Variants in MID1 observed in about 807,000 individuals in gnomAD.
The protein encoded by MID1 is midline 1.
Under a neutral mutation model 40.4 loss-of-function variants are expected in MID1, and 7 were observed. That is an observed-to-expected ratio of 0.17 (90% CI 0.10 to 0.33). The LOEUF (loss-of-function observed/expected upper bound fraction) is 0.33. Among genes scored for constraint, MID1 ranks in the 10% least tolerant of loss-of-function variants. The pLI, the probability that MID1 is intolerant of heterozygous loss-of-function variation, is 1.00. For synonymous variants in MID1, 229 were observed against 221.2 expected (o/e 1.04, Z -0.31); for missense variants, 367 against 558.5 (o/e 0.66, Z 3.46).
chrX:10,566,528 T>C (rs1460930700), intron 2 of MID1, among the ~76,000 whole-genome samples: 7 of 90,335 alleles, frequency 7.7e-5, no homozygotes, highest in African/African-American at 3.3e-4. Flanking sequence ...TCTCCCTCTC[T>C]CTCCCTCTCT....
chrX:10,578,025 A>G (rs1934918928), intron 1 of MID1, among the ~76,000 whole-genome samples: 1 of 112,455 alleles, frequency 8.9e-6, no homozygotes, highest in Non-Finnish European at 1.9e-5. Flanking sequence ...GGGGAAGCAG[A>G]GGCAAGAACT....
At chrX:10,486,746 C>T (rs1396515337) in intron 4 of MID1, among the ~76,000 whole-genome samples, 3 of 112,519 alleles carry the variant, frequency 2.7e-5, no homozygotes, top group African/African-American at 9.7e-5. Context: ...GCATTCCATA[C>T]ATACAAAAAA....
chrX:10,701,963 T>C (rs892263364), intron 1 of MID1, among the ~76,000 whole-genome samples: 1 of 112,867 alleles, frequency 8.9e-6, no homozygotes, highest in Non-Finnish European at 1.9e-5. Flanking sequence ...ACATAGTTGC[T>C]ATGATTTTTA....
At chrX:10,740,756 T>C (rs1426970821) in intron 1 of MID1, among the ~76,000 whole-genome samples, 1 of 111,330 alleles carries the variant, frequency 9.0e-6, no homozygotes, top group Non-Finnish European at 1.9e-5. Context: ...TTATTATTAT[T>C]ATTGTATCAA....
chrX:10,660,327 C>T (rs956991644), intron 1 of MID1, among the ~76,000 whole-genome samples: 24 of 112,567 alleles, frequency 2.1e-4, no homozygotes, highest in Non-Finnish European at 4.3e-4. Flanking sequence ...GACGATGGAG[C>T]ACATTGTTGT....
At chrX:10,634,773 A>G (rs1602485607) in intron 1 of MID1, among the ~76,000 whole-genome samples, 2 of 112,248 alleles carry the variant, frequency 1.8e-5, no homozygotes, top group East Asian at 5.6e-4. Flanking sequence ...ACTGCAATTG[A>G]ATCAGTGGAT....
At chrX:10,763,251 T>C (rs1322544646) in intron 1 of MID1, among the ~76,000 whole-genome samples, 1 of 109,912 alleles carries the variant, frequency 9.1e-6, no homozygotes, top group Non-Finnish European at 1.9e-5. Context: ...GCCATGTTAG[T>C]GTGCTGCACC....
intron 1 of MID1, among the ~76,000 whole-genome samples, chrX:10,591,012 A>C (rs1488925422): frequency 8.9e-6 from 1 of 111,860 alleles, no homozygotes; most frequent in Non-Finnish European, 1.9e-5. Context: ...CATTGAATCA[A>C]ATTAGACAAG....
chrX:10,796,413 GT>G (rs60292194), intron 1 of MID1, among the ~76,000 whole-genome samples: 58 of 86,700 alleles, frequency 6.7e-4, no homozygotes, highest in South Asian at 3.3e-3. Flanking sequence ...AGAAAATTCA[GT>G]TTTTTTTTTT....
intron 1 of MID1, among the ~76,000 whole-genome samples, chrX:10,795,194 G>A (rs1419490765): frequency 3.6e-5 from 4 of 112,010 alleles, no homozygotes; most frequent in South Asian, 7.4e-4. Flanking sequence ...AATGTCCCTT[G>A]GAAAGAAAAA....
rs1442061664 is a variant in MID1 at position 10,466,868 on chromosome X, A to G, written c.1285+2829T>C. Among the ~76,000 whole-genome samples, 3 of 112,157 alleles carry G rather than the reference A, an allele frequency of 2.7e-5. No individual in the cohort carries two copies. In the East Asian group the frequency reaches 8.3e-4, roughly 31 times the overall value. ...TAAGCTCATACAGCTGGAAAAATGC[A>G]TTTAAAAATCATGTCATCTCTCTGA... On this transcript the variant is annotated intron_variant, in intron 7 of 9. Coordinates refer to ENST00000317552, the MANE Select transcript of MID1 (RefSeq NM_000381.4).
rs772441159 is a variant in MID1 at position 10,523,462 on chromosome X, T to C, written c.661-275A>G. Among the ~76,000 whole-genome samples the C allele has an allele frequency of 2.7e-5, 3 of 112,195 alleles. No homozygotes were observed. The South Asian group carries it at 1.1e-3, about 41-fold the overall frequency. ...AGAATAATTAGTTATAGGTTATCTC[T>C]AGGTCACGACCTAGGAAGAAAGGAG... On this transcript the variant is annotated intron_variant, in intron 2 of 9. Coordinates refer to ENST00000317552, the MANE Select transcript of MID1 (RefSeq NM_000381.4).
intron 1 of MID1, among the ~76,000 whole-genome samples, chrX:10,729,590 T>A (rs7050609): frequency 0.1 from 11,471 of 111,815 alleles, 1,420 homozygotes; most frequent in African/African-American, 0.35. Flanking sequence ...GGAAAAAGGC[T>A]TCTGTGATTA....
intron 1 of MID1, among the ~76,000 whole-genome samples, chrX:10,825,699 C>T (rs760475497): frequency 1.8e-5 from 2 of 111,244 alleles, no homozygotes; most frequent in African/African-American, 3.3e-5. Flanking sequence ...AGAAAGAATT[C>T]GCCAGACAAC....
intron 1 of MID1, among the ~76,000 whole-genome samples, chrX:10,690,005 G>A (rs752534499): frequency 9.5e-5 from 9 of 94,770 alleles, no homozygotes; most frequent in Non-Finnish European, 1.6e-4. Context: ...AATTTGGAGT[G>A]CTTGTTAACT....
chrX:10,799,674 G>T (rs1003414672), intron 1 of MID1, among the ~76,000 whole-genome samples: 1 of 106,650 alleles, frequency 9.4e-6, no homozygotes, highest in Admixed American at 9.7e-5. Context: ...CTAACAGGCT[G>T]ATCTCAATGT....
At chrX:10,813,894 G>C (rs1411563759) in intron 1 of MID1, among the ~76,000 whole-genome samples, 1 of 111,498 alleles carries the variant, frequency 9.0e-6, no homozygotes, top group East Asian at 2.8e-4. Flanking sequence ...AAAGTGTCAG[G>C]TAGTCAATGT....
intron 1 of MID1, among the ~76,000 whole-genome samples, chrX:10,667,864 T>C (rs998050196): frequency 3.0e-4 from 34 of 112,059 alleles, no homozygotes; most frequent in African/African-American, 9.4e-4. Context: ...TGCATTCAAA[T>C]GGAATTAAAA....
chrX:10,566,532 CCTCTCTCTCTCTCTCTCTCTCTCT>C (rs773613255), intron 2 of MID1, among the ~76,000 whole-genome samples: 1 of 52,877 alleles, frequency 1.9e-5, no homozygotes, highest in African/African-American at 6.0e-5. Context: ...CCTCTCTCTC[CCTCTCTCTCTCTCTCTCTCTCTCT>C]CTCTCCCTCT....
Sources: gnomAD v4.1 joint callset for allele counts (sites outside exome capture counted in the v4.1 genomes callset) on GRCh38, gnomAD v4.1.1 for gene constraint, MANE v1.5 for transcripts, NCBI Gene and HGNC (gene_info 2026-07-23, HGNC 2026-07-21) for gene names.